Variants in NDUFA8 observed in about 807,000 individuals in gnomAD.
The protein encoded by NDUFA8 is NADH dehydrogenase [ubiquinone] 1 alpha subcomplex subunit 8.
In NDUFA8, 16 loss-of-function variants were observed where a neutral mutation model predicts 20.9. The observed-to-expected ratio is 0.77, with a 90% CI of 0.52 to 1.16. The LOEUF is 1.16. Ranked by LOEUF, NDUFA8 falls within the 50% of genes most tolerant of loss-of-function variation. The pLI, the probability that NDUFA8 is intolerant of heterozygous loss-of-function variation, is 0.00. For missense variants in NDUFA8, 202 were observed against 216.4 expected, an observed-to-expected ratio of 0.93 and a Z score of 0.42; for synonymous variants, 70 against 76.1, an observed-to-expected ratio of 0.92 and a Z score of 0.41.
chr9:122,132,810 C>T, the NDUFA8 span, among the ~76,000 whole-genome samples: 1 of 152,198 alleles, frequency 6.6e-6, no homozygotes, highest in Admixed American at 6.5e-5. Context: ...TACCATGGCA[C>T]AGACCTCTCC....
At chr9:122,156,133 G>A (rs1363084792) in intron 1 of NDUFA8, among the ~76,000 whole-genome samples, 2 of 152,168 alleles carry the variant, frequency 1.3e-5, no homozygotes, top group African/African-American at 2.4e-5. Context: ...CACTGAGACT[G>A]ATGAATTCCA....
At chr9:122,134,215 T>C in the NDUFA8 span, among the ~76,000 whole-genome samples, 1 of 152,206 alleles carries the variant, frequency 6.6e-6, no homozygotes, top group Non-Finnish European at 1.5e-5. Flanking sequence ...TCAGAGTCAA[T>C]TCACCTTTTC....
At chr9:122,134,185 G>C in the NDUFA8 span, among the ~76,000 whole-genome samples, 1 of 152,208 alleles carries the variant, frequency 6.6e-6, no homozygotes, top group Admixed American at 6.5e-5. Flanking sequence ...TGAAAAATGT[G>C]ATTTGACAGT....
intron 3 of NDUFA8, among the ~76,000 whole-genome samples, chr9:122,144,763 TG>T (rs1321575042): frequency 6.6e-6 from 1 of 152,106 alleles, no homozygotes; most frequent in Non-Finnish European, 1.5e-5. Flanking sequence ...TCCTGAAGGC[TG>T]GGGGTCTGGA....
chr9:122,140,988 C>G (rs1228079844), downstream of NDUFA8, among the ~76,000 whole-genome samples: 1 of 152,170 alleles, frequency 6.6e-6, no homozygotes, highest in East Asian at 1.9e-4. Flanking sequence ...GCAGGAAAGA[C>G]CATTTTTGGC....
chr9:122,139,772 C>T (rs531807141), downstream of NDUFA8, among the ~76,000 whole-genome samples: 76 of 152,302 alleles, frequency 5.0e-4, no homozygotes, highest in South Asian at 0.015. Context: ...CAGCTCAATG[C>T]AACCTCCACC....
chr9:122,132,667 A>G, the NDUFA8 span, among the ~76,000 whole-genome samples: 2 of 152,188 alleles, frequency 1.3e-5, no homozygotes, highest in East Asian at 3.9e-4. Context: ...AGCCCCCTAG[A>G]TTAGAGGATA....
At chr9:122,148,463 A>G (rs1365208544) in intron 2 of NDUFA8, among the ~76,000 whole-genome samples, 186 bp from the exon 3 acceptor site, 1 of 152,218 alleles carries the variant, frequency 6.6e-6, no homozygotes, top group Non-Finnish European at 1.5e-5. Flanking sequence ...TAGTAAACAA[A>G]AAAGATTTCT....
chr9:122,151,786 T>C (rs1345622833), intron 2 of NDUFA8, among the ~76,000 whole-genome samples: 2 of 146,186 alleles, frequency 1.4e-5, no homozygotes, highest in East Asian at 2.0e-4. Flanking sequence ...CACAGCTTAG[T>C]TTTTTTTTAC....
intron 3 of NDUFA8, among the ~76,000 whole-genome samples, chr9:122,145,508 T>TA (rs1478085278): frequency 6.6e-6 from 1 of 152,238 alleles, no homozygotes; most frequent in East Asian, 1.9e-4. Context: ...GCTGAACTCT[T>TA]AAGTCACCTC....
Position 122,159,727 on chromosome 9 carries a change from C to G in NDUFA8, c.-50G>C, listed in dbSNP as rs763412227. 7 of 1,613,474 alleles carry G rather than the reference C, an allele frequency of 4.3e-6. No homozygotes were observed. Among genetic ancestry groups the G allele is most frequent in the East Asian group, 4.5e-5 (2 of 44,876 alleles). ...GAGAAGCCCTCAGCCGCGTCGCCCC[C>G]GTCTCCTTGAACTCCCCTTTCGACC... On this transcript the variant is annotated 5_prime_UTR_variant, in exon 1 of 4. Coordinates refer to ENST00000373768, the MANE Select transcript of NDUFA8 (RefSeq NM_014222.3).
intron 1 of NDUFA8, among the ~76,000 whole-genome samples, chr9:122,152,625 G>A (rs989293163): frequency 6.7e-6 from 1 of 149,282 alleles, no homozygotes; most frequent in East Asian, 1.9e-4. Context: ...GCGCGATCTC[G>A]GCTTACTGCA....
At chr9:122,147,868 T>C (rs1828929794) in intron 3 of NDUFA8, among the ~76,000 whole-genome samples, 2 of 152,176 alleles carry the variant, frequency 1.3e-5, no homozygotes, top group African/African-American at 4.8e-5. Flanking sequence ...CCTCATGATT[T>C]GCCCACCTCG....
chr9:122,155,387 AT>A (rs1829062613), intron 1 of NDUFA8, among the ~76,000 whole-genome samples: 1 of 152,194 alleles, frequency 6.6e-6, no homozygotes, highest in Non-Finnish European at 1.5e-5. Context: ...CTGTAATTTT[AT>A]TTTTTATGCA....
chr9:122,154,544 C>T (rs1444632043), intron 1 of NDUFA8, among the ~76,000 whole-genome samples: 3 of 152,206 alleles, frequency 2.0e-5, no homozygotes, highest in African/African-American at 7.2e-5. Flanking sequence ...TTCTCTCCAG[C>T]CATCTTACTG....
At chr9:122,144,489 C>A in intron 3 of NDUFA8, 111 bp from the exon 4 acceptor site, 1 of 1,016,346 alleles carries the variant, frequency 9.8e-7, no homozygotes, top group Non-Finnish European at 1.6e-6. Context: ...TACAACTGCT[C>A]CCCGACTTAA....
chr9:122,159,614 C>A lies in NDUFA8; in HGVS notation c.51+13G>T, dbSNP rs1358821823. 1 of 1,613,988 alleles carries A rather than the reference C, an allele frequency of 6.2e-7. No homozygotes were observed. The highest frequency in any genetic ancestry group is 8.5e-7 in the Non-Finnish European group (1 of 1,179,976). On this transcript the variant is annotated intron_variant, in intron 1 of 3. Coordinates refer to ENST00000373768, the MANE Select transcript of NDUFA8 (RefSeq NM_014222.3). ...CCCCATGTCTCCCTTGCCTGTCCTC[C>A]GGATAGCCTCACCTCATCTACTTTC...
downstream of NDUFA8, among the ~76,000 whole-genome samples, chr9:122,139,860 A>G (rs1393853325): frequency 1.3e-5 from 2 of 152,048 alleles, no homozygotes; most frequent in Admixed American, 6.6e-5. Flanking sequence ...CGCCCAGCTA[A>G]TTTTTGTATT....
the NDUFA8 span, among the ~76,000 whole-genome samples, chr9:122,133,828 G>C: frequency 6.6e-6 from 1 of 152,222 alleles, no homozygotes; most frequent in Non-Finnish European, 1.5e-5. Context: ...CCATTTCCTG[G>C]ATGTCCAAGA....
Sources: gnomAD v4.1 joint callset for allele counts (sites outside exome capture counted in the v4.1 genomes callset) on GRCh38, gnomAD v4.1.1 for gene constraint, MANE v1.5 for transcripts, NCBI Gene and HGNC (gene_info 2026-07-23, HGNC 2026-07-21) for gene names.